Variants in SMIM36 observed in about 807,000 individuals in gnomAD.
SMIM36 encodes the protein small integral membrane protein 36.
At chr17:55,530,346 C>G in the SMIM36 span, among the ~76,000 whole-genome samples, 2 of 152,218 alleles carry the variant, frequency 1.3e-5, no homozygotes, top group Non-Finnish European at 2.9e-5. Context: ...TCACCTTCCT[C>G]TCTGCCATTT....
intron 1 of SMIM36, among the ~76,000 whole-genome samples, chr17:55,501,279 ATATAT>A (rs1373355301): frequency 2.0e-5 from 1 of 49,902 alleles, no homozygotes; most frequent in Non-Finnish European, 3.8e-5. Context: ...ATATTATATT[ATATAT>A]TATATTTTAT....
Position 55,459,900 on chromosome 17 carries a change from G to C in SMIM36, c.*531+7245C>G, listed in dbSNP as rs555725517. ...TAATCCCAGCGACTTTGGAGGCTAA[G>C]GCAGGGGGATTGTGCCTAGGGGTTG... On this transcript the variant is annotated intron_variant, in intron 4 of 4. Coordinates refer to ENST00000636752, the Ensembl canonical transcript of SMIM36. Among the ~76,000 whole-genome samples the C allele has an allele frequency of 2.6e-5, 4 of 152,300 alleles. No individual in the cohort carries two copies. In the East Asian group the frequency reaches 7.7e-4, roughly 29 times the overall value.
At chr17:55,520,826 T>A in the SMIM36 span, among the ~76,000 whole-genome samples, 13,814 of 152,212 alleles carry the variant, frequency 0.091, 937 homozygotes, top group East Asian at 0.22. Flanking sequence ...TAATAACTTT[T>A]ACTTAACAAA....
intron 4 of SMIM36, among the ~76,000 whole-genome samples, chr17:55,461,088 TTAACTC>T (rs1211056118): frequency 2.0e-5 from 3 of 152,164 alleles, no homozygotes; most frequent in Non-Finnish European, 4.4e-5. Flanking sequence ...AGAAGTATAA[TTAACTC>T]TAACCTAAAG....
intron 4 of SMIM36, 67 bp downstream of exon 4, chr17:55,467,069 AAAAAACAAC>A (rs1487616458): frequency 3.3e-5 from 5 of 152,230 alleles, no homozygotes; most frequent in African/African-American, 1.2e-4. Flanking sequence ...CCGAAAAAAG[AAAAAACAAC>A]AACAACAACA....
intron 1 of SMIM36, among the ~76,000 whole-genome samples, chr17:55,483,912 G>A (rs1909562602): frequency 6.6e-6 from 1 of 152,168 alleles, no homozygotes; most frequent in African/African-American, 2.4e-5. Flanking sequence ...ACAGGCATGA[G>A]CCACCGTGCT....
chr17:55,517,323 G>T, the SMIM36 span, among the ~76,000 whole-genome samples: 1 of 152,198 alleles, frequency 6.6e-6, no homozygotes, highest in Non-Finnish European at 1.5e-5. Context: ...GGCCAAGGAG[G>T]GTGGATCATC....
chr17:55,526,293 G>A, the SMIM36 span, among the ~76,000 whole-genome samples: 75 of 152,102 alleles, frequency 4.9e-4, no homozygotes, highest in South Asian at 4.6e-3. Flanking sequence ...ACAGGTGTGC[G>A]CCACCACATC....
At chr17:55,470,931 TC>T (rs1244988696) in intron 3 of SMIM36, among the ~76,000 whole-genome samples, 1 of 152,064 alleles carries the variant, frequency 6.6e-6, no homozygotes, top group Non-Finnish European at 1.5e-5. Context: ...AACTCCCCCA[TC>T]CTACCCGTCC....
chr17:55,507,902 C>G (rs1057320270), intron 1 of SMIM36, among the ~76,000 whole-genome samples: 69 of 152,218 alleles, frequency 4.5e-4, no homozygotes, highest in African/African-American at 1.6e-3. Flanking sequence ...TAAGAAGAAA[C>G]ACAGAACATC....
At chr17:55,456,356 G>A (rs547150102) in intron 4 of SMIM36, among the ~76,000 whole-genome samples, 3 of 152,198 alleles carry the variant, frequency 2.0e-5, no homozygotes, top group Admixed American at 2.0e-4. Context: ...TCCCTGCTGT[G>A]CCTCAGTTTT....
upstream of SMIM36, among the ~76,000 whole-genome samples, chr17:55,512,849 T>G (rs1048896767): frequency 1.3e-5 from 2 of 152,198 alleles, no homozygotes; most frequent in Admixed American, 6.5e-5. Context: ...AAGCTGAAGT[T>G]CCCAAAGGTC....
chr17:55,457,092 A>C lies in SMIM36; in HGVS notation c.*532-6794T>G, dbSNP rs571807443. 7.2e-5 allele frequency among the ~76,000 whole-genome samples: 11 copies of C among 152,298 alleles called. No individual in the cohort carries two copies. In the East Asian group the frequency reaches 2.1e-3, roughly 29 times the overall value. The stretch of plus-strand genomic sequence containing the variant: ...TGTGAGATTAATTCATGGTCATAAG[A>C]GTAGATTGGGAAAGGATAAAAGGAT... On this transcript the variant is annotated intron_variant, in intron 4 of 4. Transcript: ENST00000636752.
chr17:55,515,127 T>A, upstream of SMIM36, among the ~76,000 whole-genome samples: 1 of 132,456 alleles, frequency 7.5e-6, no homozygotes, highest in African/African-American at 2.8e-5. Flanking sequence ...GCTGGAACTA[T>A]TGACTAGATA....
the SMIM36 span, among the ~76,000 whole-genome samples, chr17:55,518,295 A>C: frequency 2.0e-5 from 3 of 152,196 alleles, no homozygotes; most frequent in Non-Finnish European, 4.4e-5. Context: ...CAATAAAAGG[A>C]TTAATCCATT....
At chr17:55,485,102 A>C (rs1044047233) in intron 1 of SMIM36, among the ~76,000 whole-genome samples, 1 of 152,226 alleles carries the variant, frequency 6.6e-6, no homozygotes, top group Non-Finnish European at 1.5e-5. Flanking sequence ...ACAGAGGGGT[A>C]AAATGACATG....
intron 4 of SMIM36, among the ~76,000 whole-genome samples, chr17:55,462,222 T>A (rs986540586): frequency 6.6e-6 from 1 of 152,196 alleles, no homozygotes; most frequent in East Asian, 1.9e-4. Context: ...AATTAATACT[T>A]ATTAATACTT....
At chr17:55,469,063 A>G (rs995939576) in intron 3 of SMIM36, among the ~76,000 whole-genome samples, 1 of 151,858 alleles carries the variant, frequency 6.6e-6, no homozygotes, top group Non-Finnish European at 1.5e-5. Flanking sequence ...CTGTTCCTTC[A>G]GTCTCCACCC....
chr17:55,520,873 G>C, the SMIM36 span, among the ~76,000 whole-genome samples: 1 of 152,328 alleles, frequency 6.6e-6, no homozygotes, highest in Non-Finnish European at 1.5e-5. Flanking sequence ...GCTCACACCT[G>C]TAATCCCAGC....
Sources: allele counts gnomAD v4.1 joint callset (sites outside exome capture counted in the v4.1 genomes callset), GRCh38; gene constraint gnomAD v4.1.1; transcripts MANE v1.5; gene names NCBI Gene and HGNC (gene_info 2026-07-23, HGNC 2026-07-21).